Variants in HCRTR2 observed in about 807,000 individuals in gnomAD.
HCRTR2 encodes the protein orexin receptor type 2.
HCRTR2 carries 22 observed loss-of-function variants against 49.0 expected under a neutral mutation model. The ratio of observed to expected loss-of-function variants is 0.45; its 90% CI spans 0.32 to 0.64. The LOEUF (loss-of-function observed/expected upper bound fraction) is 0.64, where lower values mean the gene tolerates loss of function less well. Ranked by LOEUF, HCRTR2 falls within the 30% of genes least tolerant of loss-of-function variation. HCRTR2 has a pLI of 0.04. For missense variants in HCRTR2, 491 were observed against 559.4 expected (o/e 0.88, Z 1.23); for synonymous variants, 236 against 205.3 (o/e 1.15, Z -1.28).
intron 1 of HCRTR2, among the ~76,000 whole-genome samples, chr6:55,134,644 C>T (rs1764409121): frequency 6.6e-6 from 1 of 151,896 alleles, no homozygotes; most frequent in Non-Finnish European, 1.5e-5. Context: ...TGCCCTCCCT[C>T]TCCCAGACCC....
intron 1 of HCRTR2, among the ~76,000 whole-genome samples, chr6:55,197,135 T>G (rs1198869094): frequency 6.6e-6 from 1 of 152,154 alleles, no homozygotes; most frequent in African/African-American, 2.4e-5. Context: ...ATCCTAAAAC[T>G]AAGAATTAAC....
downstream of HCRTR2, among the ~76,000 whole-genome samples, chr6:55,284,554 T>A (rs564060697): frequency 1.3e-5 from 2 of 152,268 alleles, no homozygotes; most frequent in East Asian, 3.9e-4. Flanking sequence ...AAATAAAGTC[T>A]TTTACTGCAC....
At chr6:55,221,930 G>GT (rs1765906327) in intron 1 of HCRTR2, among the ~76,000 whole-genome samples, 2 of 151,782 alleles carry the variant, frequency 1.3e-5, no homozygotes, top group Non-Finnish European at 2.9e-5. Flanking sequence ...AGAACAGGCA[G>GT]TAAAAGCAAC....
chr6:55,190,575 G>T (rs999497785), intron 1 of HCRTR2, among the ~76,000 whole-genome samples: 4 of 152,156 alleles, frequency 2.6e-5, no homozygotes, highest in African/African-American at 9.7e-5. Context: ...ATTATCTTTT[G>T]TGTCTGTACC....
chr6:55,218,991 T>G (rs568295240), intron 1 of HCRTR2, among the ~76,000 whole-genome samples: 1 of 148,582 alleles, frequency 6.7e-6, no homozygotes, highest in South Asian at 2.1e-4. Flanking sequence ...ACCCAGCTAA[T>G]TTTTTAACCT....
At chr6:55,194,518 AAT>A (rs1765376147) in intron 1 of HCRTR2, among the ~76,000 whole-genome samples, 3 of 152,118 alleles carry the variant, frequency 2.0e-5, no homozygotes, top group African/African-American at 7.2e-5. Context: ...TTTGTTTTCA[AAT>A]ATCAAATAAT....
chr6:55,279,104 T>A (rs1767136983), intron 5 of HCRTR2, among the ~76,000 whole-genome samples: 1 of 152,122 alleles, frequency 6.6e-6, no homozygotes, highest in African/African-American at 2.4e-5. Context: ...ATTTAAGATA[T>A]TTCAAGTTTT....
intron 1 of HCRTR2, among the ~76,000 whole-genome samples, chr6:55,132,187 C>T (rs886244154): frequency 4.0e-5 from 6 of 151,606 alleles, no homozygotes; most frequent in Admixed American, 2.0e-4. Context: ...TAAACACATA[C>T]ATATATATGA....
chr6:55,125,862 G>A (rs1764267912), intron 1 of HCRTR2, among the ~76,000 whole-genome samples: 1 of 151,490 alleles, frequency 6.6e-6, no homozygotes, highest in Admixed American at 6.6e-5. Flanking sequence ...ATTTCATTAA[G>A]TTGACCTTCA....
At chr6:55,264,725 A>C (rs1766830483) in intron 4 of HCRTR2, among the ~76,000 whole-genome samples, 1 of 152,072 alleles carries the variant, frequency 6.6e-6, no homozygotes, top group Non-Finnish European at 1.5e-5. Context: ...CATTTTGTAA[A>C]ATGTATCTTA....
intron 1 of HCRTR2, among the ~76,000 whole-genome samples, chr6:55,168,962 C>T (rs569421133): frequency 5.3e-5 from 8 of 152,140 alleles, no homozygotes; most frequent in African/African-American, 1.4e-4. Context: ...CCCTCTCTCA[C>T]TTCCCACAAT....
chr6:55,218,898 A>G (rs1765838853), intron 1 of HCRTR2, among the ~76,000 whole-genome samples: 1 of 152,164 alleles, frequency 6.6e-6, no homozygotes, highest in Non-Finnish European at 1.5e-5. Flanking sequence ...ATCTCAGCTC[A>G]CTGCAATCTC....
At chr6:55,179,085 T>C (rs1765088407) in intron 1 of HCRTR2, among the ~76,000 whole-genome samples, 1 of 152,182 alleles carries the variant, frequency 6.6e-6, no homozygotes, top group Admixed American at 6.5e-5. Flanking sequence ...GGGGAAATAT[T>C]TGTAATAAGT....
intron 1 of HCRTR2, among the ~76,000 whole-genome samples, chr6:55,154,237 A>C (rs2127259320): frequency 6.6e-6 from 1 of 152,036 alleles, no homozygotes; most frequent in African/African-American, 2.4e-5. Context: ...ATACTCTTCC[A>C]AAAAGAAAGA....
intron 1 of HCRTR2, among the ~76,000 whole-genome samples, chr6:55,240,454 A>G (rs1193452976): frequency 6.6e-6 from 1 of 151,998 alleles, no homozygotes; most frequent in Non-Finnish European, 1.5e-5. Context: ...GCACTTCTTA[A>G]GAGTCCTCCA....
chr6:55,122,913 A>G (rs1039398109), intron 1 of HCRTR2, among the ~76,000 whole-genome samples: 1 of 145,034 alleles, frequency 6.9e-6, no homozygotes, highest in Admixed American at 7.0e-5. Flanking sequence ...TGGGAATTGA[A>G]CAATGAGAAC....
chr6:55,282,340 G>A lies in HCRTR2; in HGVS notation c.1221G>A (p.Leu407=), dbSNP rs146899452. The change falls in exon 7 of 7, where the codon TTG becomes TTA. Residue 407 remains leucine (L), a synonymous_variant. Transcript: ENST00000370862. ...GRTSTESRKS[L]TTQISNFDNI... The stretch of plus-strand genomic sequence containing the variant: ...CTAGCACAGAGAGCCGGAAGTCCTT[G>A]ACCACTCAAATCAGCAACTTTGATA... The A allele has an allele frequency of 3.7e-6, 6 of 1,613,690 alleles. No homozygotes were observed. The highest frequency in any genetic ancestry group is 2.5e-6 in the Non-Finnish European group (3 of 1,179,768).
At chr6:55,117,501 T>C (rs1429558049) in intron 1 of HCRTR2, among the ~76,000 whole-genome samples, 1 of 151,798 alleles carries the variant, frequency 6.6e-6, no homozygotes, top group African/African-American at 2.4e-5. Context: ...CAATGCATAA[T>C]GGTCAGATTA....
chr6:55,189,993 A>G (rs1765289355), intron 1 of HCRTR2, among the ~76,000 whole-genome samples: 1 of 152,192 alleles, frequency 6.6e-6, no homozygotes, highest in Non-Finnish European at 1.5e-5. Flanking sequence ...GTTCCCCAAC[A>G]TGCTATTCAC....
Sources: gnomAD v4.1 joint callset for allele counts (sites outside exome capture counted in the v4.1 genomes callset) on GRCh38, gnomAD v4.1.1 for gene constraint, MANE v1.5 for transcripts, NCBI Gene and HGNC (gene_info 2026-07-23, HGNC 2026-07-21) for gene names.